IQGAP2: variants seen among roughly 807,000 people sequenced by gnomAD.
IQGAP2 encodes ras GTPase-activating-like protein IQGAP2.
IQGAP2 carries 173 observed loss-of-function variants against 201.3 expected under a neutral mutation model. The ratio of observed to expected loss-of-function variants is 0.86; its 90% CI spans 0.76 to 0.98. The LOEUF is 0.98. Ranked by LOEUF, IQGAP2 falls within the 50% of genes least tolerant of loss-of-function variation. The pLI, the probability that IQGAP2 is intolerant of heterozygous loss-of-function variation, is 0.00. For synonymous variants in IQGAP2, 675 were observed against 673.9 expected (o/e 1.00, Z -0.03); for missense variants, 1,687 against 1,864.8 (o/e 0.90, Z 1.76).
At chr5:76,526,964 C>G (rs187363958) in intron 2 of IQGAP2, among the ~76,000 whole-genome samples, 75 of 152,330 alleles carry the variant, frequency 4.9e-4, no homozygotes, top group Admixed American at 3.1e-3. Context: ...TGCTGGGCAG[C>G]TCTTCCTTTC....
At position 76,641,236 on chromosome 5, in the gene IQGAP2, C is replaced by T. The variant is rs556615794; in HGVS notation, c.2094+133C>T. 4 of 624,818 alleles carry T rather than the reference C, an allele frequency of 6.4e-6. No individual in the cohort carries two copies. The Admixed American group carries it at 9.0e-5, about 14-fold the overall frequency. The allele number at this position is 624,818 out of a possible 1,614,324, so 38.7% of individuals were successfully genotyped here. A position where few individuals can be genotyped will look rare whatever the true frequency, so the allele number is the denominator to read the frequency against. On this transcript the variant is annotated intron_variant, in intron 17 of 35. Coordinates refer to ENST00000274364, the MANE Select transcript of IQGAP2 (RefSeq NM_006633.5). ...CTGCATATTTTTACATAATCAGTGC[C>T]CCTAGTCTACTTCACTAAGGCTTTA...
intron 10 of IQGAP2, among the ~76,000 whole-genome samples, chr5:76,600,272 A>T (rs1747339156): frequency 6.6e-6 from 1 of 152,266 alleles, no homozygotes; most frequent in African/African-American, 2.4e-5. Flanking sequence ...AGTGTATTTT[A>T]AAATTTCTAT....
At chr5:76,597,647 G>T in intron 10 of IQGAP2, 45 bp downstream of exon 10, 1 of 1,597,568 alleles carries the variant, frequency 6.3e-7, no homozygotes, top group Admixed American at 1.7e-5. Context: ...AACCCTGCGT[G>T]CCATGGCGCA....
At chr5:76,706,173 G>A (rs1189651373) in intron 35 of IQGAP2, among the ~76,000 whole-genome samples, 1 of 152,084 alleles carries the variant, frequency 6.6e-6, no homozygotes, top group Non-Finnish European at 1.5e-5. Flanking sequence ...ACATGCTTCT[G>A]CTATTGTACT....
At chr5:76,513,335 G>C (rs1758101934) in intron 2 of IQGAP2, among the ~76,000 whole-genome samples, 2 of 152,158 alleles carry the variant, frequency 1.3e-5, no homozygotes, top group African/African-American at 4.8e-5. Context: ...GACCAGAGCA[G>C]GAAGGGAAAG....
At chr5:76,524,453 A>G (rs962616847) in intron 2 of IQGAP2, among the ~76,000 whole-genome samples, 3 of 152,190 alleles carry the variant, frequency 2.0e-5, no homozygotes, top group Non-Finnish European at 4.4e-5. Context: ...ATCAGTTAGT[A>G]CCGATCCGAT....
chr5:76,582,980 G>A (rs1745980613), intron 5 of IQGAP2, among the ~76,000 whole-genome samples: 1 of 152,218 alleles, frequency 6.6e-6, no homozygotes, highest in South Asian at 2.1e-4. Context: ...GTGTGCTGTA[G>A]CTTTTGGTGT....
intron 2 of IQGAP2, among the ~76,000 whole-genome samples, chr5:76,487,282 C>T (rs1341054903): frequency 6.6e-6 from 1 of 151,600 alleles, no homozygotes; most frequent in Admixed American, 6.6e-5. Context: ...GATTTTTAGT[C>T]GAGACAGGGT....
Position 76,673,979 on chromosome 5 carries a change from A to G in IQGAP2, c.3237A>G (p.Val1079=), listed in dbSNP as rs1316684546. ...ATGGATTGAGGTATATAGCCAAAGTACTGAAGAATTCGATCCATGAGAAAT... is the reference window on the plus strand; with the variant it reads ...ATGGATTGAGGTATATAGCCAAAGTGCTGAAGAATTCGATCCATGAGAAAT... ...LPYGLRYIAK[V]LKNSIHEKFP... The change falls in exon 26 of 36, where the codon GTA becomes GTG. Residue 1079 remains valine (V), a synonymous_variant. Transcript: ENST00000274364. 2.5e-6 allele frequency: 4 copies of G among 1,605,184 alleles called. No individual in the cohort carries two copies. In the Admixed American group the frequency reaches 5.0e-5, roughly 20 times the overall value.
intron 2 of IQGAP2, among the ~76,000 whole-genome samples, chr5:76,553,580 G>C (rs1743709385): frequency 6.6e-6 from 1 of 152,134 alleles, no homozygotes; most frequent in Non-Finnish European, 1.5e-5. Context: ...AGGATTGTTT[G>C]CTTCAGGATT....
intron 13 of IQGAP2, among the ~76,000 whole-genome samples, chr5:76,626,247 C>G (rs416451): frequency 0.65 from 90,091 of 139,222 alleles, 29,224 homozygotes; most frequent in South Asian, 0.69. Context: ...TATTATAATT[C>G]TTTTTCTTTT....
intron 2 of IQGAP2, among the ~76,000 whole-genome samples, chr5:76,520,274 T>C (rs1336772354): frequency 1.3e-5 from 2 of 152,214 alleles, no homozygotes; most frequent in Non-Finnish European, 2.9e-5. Context: ...GCACCACTTG[T>C]TGAAAAGACT....
chr5:76,549,465 T>C (rs1035344971), intron 2 of IQGAP2, among the ~76,000 whole-genome samples: 13 of 151,744 alleles, frequency 8.6e-5, no homozygotes, highest in Admixed American at 2.0e-4. Context: ...GTCTGCCAGG[T>C]AGTAATAAAT....
rs76690481 is a variant in IQGAP2, at chr5:76,620,602, A to C, written c.1522-6808A>C. ...TTAGAAGACTGGATGTGGGTCCAAAATTCCAGGAGCCCAAATTAGAGGCAT... is the reference window on the plus strand; with the variant it reads ...TTAGAAGACTGGATGTGGGTCCAAACTTCCAGGAGCCCAAATTAGAGGCAT... On this transcript the variant is annotated intron_variant, in intron 13 of 35. Coordinates refer to ENST00000274364, the MANE Select transcript of IQGAP2 (RefSeq NM_006633.5). Among the ~76,000 whole-genome samples the C allele has an allele frequency of 1.3e-4, 20 of 152,308 alleles. No homozygotes were observed. In the East Asian group the frequency reaches 3.7e-3, roughly 28 times the overall value.
intron 11 of IQGAP2, among the ~76,000 whole-genome samples, chr5:76,603,741 T>C (rs1003330048): frequency 7.2e-5 from 11 of 152,158 alleles, no homozygotes; most frequent in African/African-American, 2.4e-4. Flanking sequence ...CTCACAAACA[T>C]CTGCTGAACT....
At chr5:76,444,248 A>G (rs1753234145) in intron 1 of IQGAP2, among the ~76,000 whole-genome samples, 1 of 152,170 alleles carries the variant, frequency 6.6e-6, no homozygotes, top group Non-Finnish European at 1.5e-5. Context: ...TTAAAATAAT[A>G]GAAAGAGAAA....
chr5:76,522,476 C>T (rs935401342), intron 2 of IQGAP2, among the ~76,000 whole-genome samples: 2 of 152,294 alleles, frequency 1.3e-5, no homozygotes, highest in East Asian at 3.9e-4. Flanking sequence ...AGCCACCGCG[C>T]CTGGCCATTT....
intron 23 of IQGAP2, among the ~76,000 whole-genome samples, chr5:76,671,001 G>A (rs1170916030): frequency 6.6e-6 from 1 of 152,168 alleles, no homozygotes; most frequent in Non-Finnish European, 1.5e-5. Flanking sequence ...AGTGGCTCAC[G>A]CCTGTAATCC....
At position 76,511,743 on chromosome 5, in the gene IQGAP2, C is replaced by T. The variant is rs548807497; in HGVS notation, c.146+50074C>T. On this transcript the variant is annotated intron_variant, in intron 2 of 35. Transcript: ENST00000274364. ...TCGCCCAGGCTGGAGTGCAGTGGCG[C>T]GATCTCGGCTCACTGCAAGCTCTGC... Among the ~76,000 whole-genome samples the T allele has an allele frequency of 4.0e-5, 6 of 151,012 alleles. No homozygotes were observed. In the South Asian group the frequency reaches 1.0e-3, roughly 26 times the overall value.
Sources: gnomAD v4.1 joint callset for allele counts (sites outside exome capture counted in the v4.1 genomes callset) on GRCh38, gnomAD v4.1.1 for gene constraint, MANE v1.5 for transcripts, NCBI Gene and HGNC (gene_info 2026-07-23, HGNC 2026-07-21) for gene names.